The following FAT4 variants were observed in gnomAD, a reference collection of about 807,000 sequenced individuals.
FAT4 encodes the protein protocadherin Fat 4.
Under a neutral mutation model 303.9 loss-of-function variants are expected in FAT4, and 84 were observed. The observed-to-expected ratio is 0.28, with a 90% CI of 0.23 to 0.33. FAT4 has a LOEUF of 0.33. Ranked by LOEUF, FAT4 falls within the 10% of genes least tolerant of loss-of-function variation. The pLI, the probability that FAT4 is intolerant of heterozygous loss-of-function variation, is 1.00. For missense variants in FAT4, 6,005 were observed against 6,146.8 expected (o/e 0.98, Z 0.77); for synonymous variants, 2,307 against 2,298.8 (o/e 1.00, Z -0.10).
At chr4:125,468,464 A>C (rs539119533) in intron 11 of FAT4, 48 bp from the exon 12 acceptor site, 19 of 1,309,966 alleles carry the variant, frequency 1.5e-5, no homozygotes, top group Non-Finnish European at 1.8e-5. Context: ...ATATATAATA[A>C]AATTTTCATG....
intron 8 of FAT4, among the ~76,000 whole-genome samples, chr4:125,440,610 T>TGTGTGTGTGTGTGTGAGAGA (rs372756130): frequency 2.6e-5 from 2 of 75,750 alleles, no homozygotes; most frequent in African/African-American, 1.2e-4. Flanking sequence ...TGTGTGTGTG[T>TGTGTGTGTGTGTGTGAGAGA]GAGAGAGAGA....
In FAT4 at chr4:125,398,850, A is replaced by G. The variant is rs1345894460; in HGVS notation, c.5242A>G (p.Thr1748Ala). 2.5e-6 allele frequency: 4 copies of G among 1,611,138 alleles called. No individual in the cohort carries two copies. Among genetic ancestry groups the G allele is most frequent in the African/African-American group, 1.3e-5 (1 of 74,818 alleles). ...ATTTCCAACGGACATGCTGGATCTC[A>G]CGGTAGAGGAGAACATTGGAGATGG... ...PVFPTDMLDL[T>A]VEENIGDGSK... Residue 1748 changes from threonine to alanine, a missense_variant, in exon 3 of 18, where the codon ACG becomes GCG. By Grantham distance (58) the Thr-to-Ala change is moderately conservative. Transcript: ENST00000394329.
chr4:125,324,725 G>A (rs1436424634), intron 2 of FAT4, among the ~76,000 whole-genome samples: 2 of 152,032 alleles, frequency 1.3e-5, no homozygotes, highest in Non-Finnish European at 2.9e-5. Flanking sequence ...GCTACATTCA[G>A]GACCCCTTTA....
At chr4:125,413,482 T>A (rs1313441269) in intron 5 of FAT4, among the ~76,000 whole-genome samples, 1 of 151,948 alleles carries the variant, frequency 6.6e-6, no homozygotes, top group Non-Finnish European at 1.5e-5. Context: ...ATTTACTCAA[T>A]CATTGTTTAT....
chr4:125,415,503 T>G lies in FAT4; in HGVS notation c.6540T>G (p.Asp2180Glu). The change falls in exon 6 of 18, where the codon GAT becomes GAG. Residue 2180 changes from aspartate to glutamate, a missense_variant. Transcript: ENST00000394329. Reference protein sequence around the residue: ...GTDIIQVFAADGDEGTNGQVR... With the variant: ...GTDIIQVFAAEGDEGTNGQVR... ...ATATAATACAAGTGTTCGCAGCAGA[T>G]GGAGATGAAGGCACAAATGGACAGG... The G allele has an allele frequency of 1.2e-6, 2 of 1,614,122 alleles. No individual in the cohort carries two copies. Among genetic ancestry groups the G allele is most frequent in the Non-Finnish European group, 1.7e-6 (2 of 1,179,976 alleles).
chr4:125,486,326 A>G (rs1727412571), intron 16 of FAT4, among the ~76,000 whole-genome samples: 1 of 152,016 alleles, frequency 6.6e-6, no homozygotes, highest in Non-Finnish European at 1.5e-5. Flanking sequence ...TTAATAAAAT[A>G]TTGCTATATG....
intron 5 of FAT4, among the ~76,000 whole-genome samples, chr4:125,411,131 A>C (rs1734821397): frequency 6.6e-6 from 1 of 152,054 alleles, no homozygotes. Flanking sequence ...GGTTCCAATG[A>C]GGTAATATTG....
At chr4:125,399,145 T>C (rs2126013018) in intron 3 of FAT4, among the ~76,000 whole-genome samples, 1 of 152,218 alleles carries the variant, frequency 6.6e-6, no homozygotes, top group Admixed American at 6.6e-5. Context: ...CTGCTTGCAC[T>C]TTAGGTTACT....
At chr4:125,469,045 TA>T (rs1726772557) in intron 12 of FAT4, among the ~76,000 whole-genome samples, 1 of 152,252 alleles carries the variant, frequency 6.6e-6, no homozygotes, top group African/African-American at 2.4e-5. Flanking sequence ...ATTTCATTGA[TA>T]TTTTTTGTAT....
At chr4:125,425,981 T>C (rs1448199373) in intron 7 of FAT4, among the ~76,000 whole-genome samples, 1 of 152,074 alleles carries the variant, frequency 6.6e-6, no homozygotes, top group Non-Finnish European at 1.5e-5. Flanking sequence ...AAAATTGCTT[T>C]TTAATGGAGG....
chr4:125,490,813 C>T lies in FAT4; in HGVS notation c.13997C>T (p.Pro4666Leu), dbSNP rs199672874. 3 of 1,614,130 alleles carry T rather than the reference C, an allele frequency of 1.9e-6. No individual in the cohort carries two copies. Among genetic ancestry groups the T allele is most frequent in the South Asian group, 1.1e-5 (1 of 91,080 alleles). The stretch of plus-strand genomic sequence containing the variant: ...CCCCTAGGCTTTGCAAGGCAATCCC[C>T]CATGCCCTTAGGAGCAAGCAGTTTG... ...HSPLGFARQSPMPLGASSLTY... is the reference protein window; with the variant it reads ...HSPLGFARQSLMPLGASSLTY... The change falls in exon 18 of 18, where the codon CCC becomes CTC. Residue 4666 changes from proline (P) to leucine (L), a missense_variant. Pro to Leu is a moderately conservative substitution (Grantham distance 98). Coordinates refer to ENST00000394329, the MANE Select transcript of FAT4 (RefSeq NM_001291303.3).
chr4:125,333,415 G>T (rs1052646497), intron 2 of FAT4, among the ~76,000 whole-genome samples: 1 of 152,112 alleles, frequency 6.6e-6, no homozygotes, highest in Non-Finnish European at 1.5e-5. Context: ...TTAATGTGAC[G>T]TCTTTTCGTG....
chr4:125,444,843 C>T (rs892841198), intron 8 of FAT4, among the ~76,000 whole-genome samples: 21 of 151,924 alleles, frequency 1.4e-4, no homozygotes, highest in African/African-American at 5.1e-4. Flanking sequence ...AACAAGGTTC[C>T]AAAAATAAAA....
At chr4:125,349,026 GT>G (rs1429150044) in intron 2 of FAT4, among the ~76,000 whole-genome samples, 3 of 151,836 alleles carry the variant, frequency 2.0e-5, no homozygotes, top group Admixed American at 6.6e-5. Flanking sequence ...GTTGCATTTA[GT>G]TTTCGTTACC....
At chr4:125,474,143 T>C (rs1358975452) in intron 12 of FAT4, among the ~76,000 whole-genome samples, 2 of 152,074 alleles carry the variant, frequency 1.3e-5, no homozygotes, top group African/African-American at 2.4e-5. Flanking sequence ...TCCATTATTC[T>C]TTCTTTGAGT....
At chr4:125,467,888 C>A (rs1401998806) in intron 11 of FAT4, among the ~76,000 whole-genome samples, 1 of 152,118 alleles carries the variant, frequency 6.6e-6, no homozygotes, top group Admixed American at 6.6e-5. Flanking sequence ...ATTTGGGCCG[C>A]TTGCGGTAGC....
chr4:125,450,240 T>C lies in FAT4; in HGVS notation c.9230T>C (p.Val3077Ala). The C allele has an allele frequency of 6.2e-7, 1 of 1,614,082 alleles. No homozygotes were observed. ...GNPPLSSQAT[V>A]HITVTEENYH... ...CCTCCACTTTCTTCCCAAGCAACTG[T>C]TCACATAACTGTCACTGAGGAAAAC... The change falls in exon 10 of 18, where the codon GTT becomes GCT. Residue 3077 changes from valine (V) to alanine (A), a missense_variant. Physicochemically the swap from Val to Ala is moderately conservative, Grantham distance 64. Coordinates refer to ENST00000394329, the MANE Select transcript of FAT4 (RefSeq NM_001291303.3).
intron 2 of FAT4, among the ~76,000 whole-genome samples, chr4:125,334,514 T>A (rs948719597): frequency 2.6e-5 from 4 of 152,210 alleles, no homozygotes; most frequent in African/African-American, 9.6e-5. Context: ...CTTTTAGGGA[T>A]CTCCTGTCTT....
chr4:125,364,603 C>T (rs1429661487), intron 2 of FAT4, among the ~76,000 whole-genome samples: 1 of 151,868 alleles, frequency 6.6e-6, no homozygotes, highest in Admixed American at 6.6e-5. Flanking sequence ...CTTGAATTAA[C>T]TAGGCCATCT....
Sources: gnomAD v4.1 joint callset for allele counts (sites outside exome capture counted in the v4.1 genomes callset) on GRCh38, gnomAD v4.1.1 for gene constraint, MANE v1.5 for transcripts, NCBI Gene and HGNC (gene_info 2026-07-23, HGNC 2026-07-21) for gene names.